DAB1: variants seen among roughly 807,000 people sequenced by gnomAD.
DAB1 encodes the protein disabled homolog 1.
Under a neutral mutation model 64.6 loss-of-function variants are expected in DAB1, and 15 were observed. That is an observed-to-expected ratio of 0.23 (90% CI 0.16 to 0.36). The LOEUF (loss-of-function observed/expected upper bound fraction) is 0.36, where lower values mean the gene tolerates loss of function less well. Ranked by LOEUF, DAB1 falls within the 10% of genes least tolerant of loss-of-function variation. DAB1 has a pLI of 1.00. For missense variants in DAB1, 596 were observed against 706.7 expected (o/e 0.84, Z 1.78); for synonymous variants, 235 against 251.9 (o/e 0.93, Z 0.64).
intron 5 of DAB1, among the ~76,000 whole-genome samples, chr1:58,024,165 T>C (rs1470550623): frequency 2.6e-5 from 4 of 152,188 alleles, no homozygotes; most frequent in Admixed American, 2.6e-4. Context: ...CATTTAGATA[T>C]AGCAATAGAT....
chr1:58,288,767 T>C (rs1436204762), intron 4 of DAB1, among the ~76,000 whole-genome samples: 1 of 152,220 alleles, frequency 6.6e-6, no homozygotes, highest in Admixed American at 6.5e-5. Context: ...TACATTCTAG[T>C]GAAACAAATT....
chr1:57,704,919 T>TTCCTTCCTTCCTTCCTTCC (rs1557433497), intron 6 of DAB1, among the ~76,000 whole-genome samples: 1 of 125,260 alleles, frequency 8.0e-6, no homozygotes. Context: ...CCTTTTCATC[T>TTCCTTCCTTCCTTCCTTCC]TTCCTTCCTT....
intron 5 of DAB1, among the ~76,000 whole-genome samples, chr1:57,896,757 A>G (rs1240721413): frequency 6.6e-6 from 1 of 152,190 alleles, no homozygotes; most frequent in Non-Finnish European, 1.5e-5. Context: ...GTATTTAGAA[A>G]TATGCCCCTG....
intron 1 of DAB1, among the ~76,000 whole-genome samples, chr1:58,543,496 T>C (rs549694373): frequency 1.4e-4 from 21 of 152,288 alleles, no homozygotes; most frequent in African/African-American, 4.8e-5. Context: ...TGTGGTCTTA[T>C]GGTGTTGATC....
intron 6 of DAB1, among the ~76,000 whole-genome samples, chr1:57,691,338 T>C (rs1171973808): frequency 6.6e-6 from 1 of 152,012 alleles, no homozygotes; most frequent in East Asian, 1.9e-4. Flanking sequence ...TAAAGGACTG[T>C]AAACACACCA....
At chr1:58,022,963 T>C (rs1646835931) in intron 5 of DAB1, among the ~76,000 whole-genome samples, 1 of 152,162 alleles carries the variant, frequency 6.6e-6, no homozygotes, top group African/African-American at 2.4e-5. Context: ...ATGCCTCACA[T>C]GGCATAGATC....
intron 7 of DAB1, among the ~76,000 whole-genome samples, chr1:57,476,292 A>C (rs994193239): frequency 2.6e-5 from 4 of 151,764 alleles, no homozygotes; most frequent in African/African-American, 9.7e-5. Flanking sequence ...GAAAATGGGG[A>C]AAAAATGTAT....
At chr1:58,485,101 TGGCA>T (rs1255432626) in intron 3 of DAB1, among the ~76,000 whole-genome samples, 4 of 152,064 alleles carry the variant, frequency 2.6e-5, no homozygotes, top group Admixed American at 1.3e-4. Flanking sequence ...ATTATCACTC[TGGCA>T]TGGGATTTTG....
chr1:57,935,726 AAACAACAACAAC>A (rs142373036), intron 5 of DAB1, among the ~76,000 whole-genome samples: 7 of 151,854 alleles, frequency 4.6e-5, no homozygotes, highest in Admixed American at 3.3e-4. Flanking sequence ...AAATAAAAAC[AAACAACAACAAC>A]AACAACAACA....
chr1:57,190,982 C>T (rs944456107), intron 2 of DAB1, among the ~76,000 whole-genome samples: 9 of 152,102 alleles, frequency 5.9e-5, no homozygotes, highest in African/African-American at 2.2e-4. Flanking sequence ...CATAACTTAC[C>T]TGAATTTTAG....
chr1:57,049,450 CAAAAAAAAA>C (rs574438911), intron 9 of DAB1, among the ~76,000 whole-genome samples: 13 of 24,586 alleles, frequency 5.3e-4, no homozygotes, highest in Admixed American at 7.9e-4. Context: ...GACTCCGTCT[CAAAAAAAAA>C]AAAAAAAAAA....
At chr1:58,154,052 G>A (rs1335158292) in intron 4 of DAB1, among the ~76,000 whole-genome samples, 4 of 151,618 alleles carry the variant, frequency 2.6e-5, no homozygotes, top group South Asian at 2.1e-4. Flanking sequence ...AATAGTCAGC[G>A]ATTCCCTAAA....
intron 4 of DAB1, among the ~76,000 whole-genome samples, chr1:57,102,869 T>C (rs1005358842): frequency 6.6e-6 from 1 of 152,192 alleles, no homozygotes; most frequent in African/African-American, 2.4e-5. Context: ...CTGAAAACTG[T>C]CAGCTCAGTA....
At chr1:57,481,201 C>G (rs960822061) in intron 7 of DAB1, among the ~76,000 whole-genome samples, 5 of 152,250 alleles carry the variant, frequency 3.3e-5, no homozygotes, top group Admixed American at 3.3e-4. Context: ...AAATGGGAGC[C>G]AAGCATCAGT....
chr1:57,705,621 T>G (rs1382892664), intron 6 of DAB1, among the ~76,000 whole-genome samples: 1 of 152,142 alleles, frequency 6.6e-6, no homozygotes, highest in Non-Finnish European at 1.5e-5. Context: ...AAGCTCTCCC[T>G]ACCCCTAAGC....
chr1:57,290,346 T>C (rs545294712), intron 2 of DAB1, among the ~76,000 whole-genome samples: 186 of 152,256 alleles, frequency 1.2e-3, no homozygotes, highest in African/African-American at 4.2e-3. Flanking sequence ...AAGACTGGCA[T>C]CACCTGGGAA....
rs1646389615 is a variant in DAB1, at chr1:57,015,267, A to G, written c.1060T>C (p.Trp354Arg). The change falls in exon 12 of 15, where the codon TGG becomes CGG. Residue 354 changes from tryptophan (W) to arginine (R), a missense_variant. Transcript: ENST00000371236. ...GGAAACTGCCCGGCCACAGTTGGCC[A>G]GGGCTGCTGAGTGGCAGGAAAGAGA... ...PGLFPATQQP[W>R]PTVAGQFPPA... 6.2e-7 allele frequency: 1 copy of G among 1,614,020 alleles called. No individual in the cohort carries two copies. The highest frequency in any genetic ancestry group is 1.7e-5 in the Admixed American group (1 of 60,006).
intron 6 of DAB1, among the ~76,000 whole-genome samples, chr1:57,794,194 G>C (rs1373853983): frequency 2.0e-5 from 3 of 152,198 alleles, no homozygotes; most frequent in African/African-American, 7.2e-5. Context: ...GTTGCTGGTT[G>C]CTTCTATCAC....
rs138987950 is a variant in DAB1, at chr1:58,280,946, C to G, written n.309+62406G>C. Among the ~76,000 whole-genome samples, 352 of 152,112 alleles carry G rather than the reference C, an allele frequency of 2.3e-3. 4 individuals are homozygous for G. The highest frequency in any genetic ancestry group is 6.8e-3 in the Middle Eastern group (2 of 294). The stretch of plus-strand genomic sequence containing the variant: ...AAGAGAAGAGTGATCTATAAGGGCT[C>G]TAAGAGGAGTTGGGATGGGCCATGT... On this transcript the variant is annotated intron_variant and non_coding_transcript_variant, in intron 4 of 20. Transcript: ENST00000485760.
Sources: allele counts gnomAD v4.1 joint callset (sites outside exome capture counted in the v4.1 genomes callset), GRCh38; gene constraint gnomAD v4.1.1; transcripts MANE v1.5; gene names NCBI Gene and HGNC (gene_info 2026-07-23, HGNC 2026-07-21).